Variants in OTUD4 observed in about 807,000 individuals in gnomAD.
OTUD4 encodes OTU domain-containing protein 4.
Under a neutral mutation model 130.4 loss-of-function variants are expected in OTUD4, and 24 were observed. The observed-to-expected ratio is 0.18, with a 90% CI of 0.13 to 0.26. The LOEUF is 0.26. OTUD4 is among the 10% of genes least tolerant of loss of function. OTUD4 has a pLI of 1.00. For missense variants in OTUD4, 1,031 were observed against 1,329.4 expected (o/e 0.78, Z 3.49); for synonymous variants, 420 against 472.5 (o/e 0.89, Z 1.44).
At chr4:145,165,898 A>G (rs1385403109) in intron 3 of OTUD4, among the ~76,000 whole-genome samples, 1 of 152,022 alleles carries the variant, frequency 6.6e-6, no homozygotes, top group Non-Finnish European at 1.5e-5. Flanking sequence ...GCAGTGGCTC[A>G]TGCCTGTAAT....
At chr4:145,141,745 A>T (rs1750573538) in intron 18 of OTUD4, 106 bp from the exon 19 acceptor site, 1 of 996,922 alleles carries the variant, frequency 1.0e-6, no homozygotes, top group Non-Finnish European at 1.4e-6. Context: ...AAGCCAATCT[A>T]AAGTAGTACC....
In OTUD4 at chr4:145,155,985, G is replaced by A. The variant is rs1751269351; in HGVS notation, c.641C>T (p.Ala214Val). Residue 214 changes from alanine (A) to valine (V), a missense_variant, in exon 8 of 21, where the codon GCT becomes GTT. By Grantham distance (64) the Ala-to-Val change is moderately conservative. Around this residue, in one of 3 missense-constraint regions of OTUD4, gnomAD observed 900 missense variants for 1,095.9 expected, o/e 0.82. Coordinates refer to ENST00000447906, the MANE Select transcript of OTUD4 (RefSeq NM_001366057.1). ...TCCATTCACATCAGCAGCAGCAGCA[G>A]CAGTCTTACTCCTACAAAGAAAGAT... is the stretch of plus-strand genomic sequence containing the variant. The part of the protein sequence containing the change: ...SEDDSCKSKT[A>V]AAAADVNGFK... 2.5e-6 allele frequency: 4 copies of A among 1,611,104 alleles called. No homozygotes were observed. Among genetic ancestry groups the A allele is most frequent in the African/African-American group, 1.3e-5 (1 of 74,818 alleles).
chr4:145,142,183 AC>A lies in OTUD4; in HGVS notation c.1822+12del, dbSNP rs1750596800. 6.2e-7 allele frequency: 1 copy of A among 1,605,588 alleles called. No individual in the cohort carries two copies. Among genetic ancestry groups the A allele is most frequent in the Admixed American group, 1.7e-5 (1 of 57,518 alleles). On this transcript the variant is annotated intron_variant, in intron 18 of 20. Transcript: ENST00000447906. Reference sequence around the variant, plus strand: ...TATTTTGGCTGGCTAGATTTTCTAAACCCTTCTCTAACCTGTTGGTCCAAAA... The same window carrying A: ...TATTTTGGCTGGCTAGATTTTCTAAACCTTCTCTAACCTGTTGGTCCAAAA...
Position 145,143,836 on chromosome 4 carries a change from TACACAGCTATAAAATTTC to T in OTUD4, c.1602+92_1602+109del, listed in dbSNP as rs1750696602. On this transcript the variant is annotated intron_variant, in intron 16 of 20. Transcript: ENST00000447906. ...TTTCCCTGCTTTTCTACTTTCCTAATACACAGCTATAAAATTTCGAAATTATTTTCACCTTCTTCCACT... is the reference window on the plus strand; with the variant it reads ...TTTCCCTGCTTTTCTACTTTCCTAATGAAATTATTTTCACCTTCTTCCACT... 4.0e-6 allele frequency: 3 copies of T among 759,182 alleles called. No homozygotes were observed. The Admixed American group carries it at 7.1e-5, about 18-fold the overall frequency. The allele number at this position is 759,182 out of a possible 1,614,324, so 47.0% of individuals were successfully genotyped here.
intron 1 of OTUD4, among the ~76,000 whole-genome samples, chr4:145,175,101 C>G (rs1752355436): frequency 6.6e-6 from 1 of 152,220 alleles, no homozygotes; most frequent in South Asian, 2.1e-4. Flanking sequence ...ACGCCACGCT[C>G]AACTTCATCC....
chr4:145,163,818 T>A (rs772132312), intron 5 of OTUD4, among the ~76,000 whole-genome samples: 1 of 151,388 alleles, frequency 6.6e-6, no homozygotes, highest in Non-Finnish European at 1.5e-5. Context: ...GCGATTCTCC[T>A]GCCTCAGCCT....
intron 14 of OTUD4, among the ~76,000 whole-genome samples, chr4:145,144,783 C>A (rs754781308): frequency 6.6e-6 from 1 of 152,110 alleles, no homozygotes; most frequent in African/African-American, 2.4e-5. Context: ...CCAAAAAAAT[C>A]ATTGTAGCGC....
At chr4:145,156,034 G>GT in intron 7 of OTUD4, 38 bp from the exon 8 acceptor site, 1 of 1,515,446 alleles carries the variant, frequency 6.6e-7, no homozygotes, top group Non-Finnish European at 9.1e-7. Context: ...GCAGAAAAAG[G>GT]TATTTGCACG....
intron 8 of OTUD4, 111 bp downstream of exon 8, chr4:145,155,825 T>C (rs1751256201): frequency 4.0e-6 from 4 of 998,306 alleles, no homozygotes; most frequent in Non-Finnish European, 5.9e-6. Flanking sequence ...TCTGAGTAGA[T>C]GATCCTGACT....
intron 20 of OTUD4, among the ~76,000 whole-genome samples, chr4:145,139,491 A>G (rs1043043061): frequency 5.3e-5 from 8 of 152,208 alleles, no homozygotes; most frequent in African/African-American, 1.4e-4. Context: ...ACTATCTTAC[A>G]TAGGAGGATG....
chr4:145,152,522 G>A lies in OTUD4; in HGVS notation c.968+19C>T. ...AATGGAGGAGGCAGTAAATGCCTTA[G>A]CTGAAGAGTAGTACATACTTCTTTC... is the stretch of plus-strand genomic sequence containing the variant. On this transcript the variant is annotated intron_variant, in intron 11 of 20. Coordinates refer to ENST00000447906, the MANE Select transcript of OTUD4 (RefSeq NM_001366057.1). The A allele has an allele frequency of 7.2e-7, 1 of 1,379,850 alleles. No homozygotes were observed. The highest frequency in any genetic ancestry group is 1.0e-6 in the Non-Finnish European group (1 of 976,962). The allele number at this position is 1,379,850 out of a possible 1,614,324, so 85.5% of individuals were successfully genotyped here.
Position 145,138,244 on chromosome 4 carries a change from G to A in OTUD4, c.2531C>T (p.Pro844Leu), listed in dbSNP as rs1401189064. The A allele has an allele frequency of 1.2e-6, 2 of 1,613,810 alleles. No homozygotes were observed. The highest frequency in any genetic ancestry group is 1.1e-5 in the South Asian group (1 of 91,076). ...AGGAACTGGGCCTAAGAATGGATTGGGTCCAAAAGATGGCTGGGGGAACAT... is the reference window on the plus strand; with the variant it reads ...AGGAACTGGGCCTAAGAATGGATTGAGTCCAAAAGATGGCTGGGGGAACAT... ...KNMFPQPSFG[P>L]NPFLGPVPIA... Residue 844 changes from proline to leucine, a missense_variant, in exon 21 of 21, where the codon CCC (proline) becomes CTC (leucine). By Grantham distance (98) the Pro-to-Leu change is moderately conservative. Transcript: ENST00000447906.
At position 145,159,558 on chromosome 4, in the gene OTUD4, CCAA is replaced by C; in HGVS notation, c.571_573del (p.Leu191del). On this transcript the variant is annotated inframe_deletion, in exon 7 of 21. Coordinates refer to ENST00000447906, the MANE Select transcript of OTUD4 (RefSeq NM_001366057.1). ...TCACTGTTATCTTCATCAGCTACTT[CCAA>C]CGTGTCTAGTTCCATCACAATTTTA... The C allele has an allele frequency of 6.2e-7, 1 of 1,613,396 alleles. No individual in the cohort carries two copies. Among genetic ancestry groups the C allele is most frequent in the Non-Finnish European group, 8.5e-7 (1 of 1,179,484 alleles).
At chr4:145,158,499 A>G (rs1751399668) in intron 7 of OTUD4, among the ~76,000 whole-genome samples, 3 of 151,392 alleles carry the variant, frequency 2.0e-5, no homozygotes, top group African/African-American at 7.3e-5. Context: ...AAACAAAACA[A>G]AACAAAAAAA....
chr4:145,163,626 T>C (rs1751692294), intron 5 of OTUD4, among the ~76,000 whole-genome samples: 2 of 150,184 alleles, frequency 1.3e-5, no homozygotes, highest in Non-Finnish European at 3.0e-5. Context: ...TAAAATGTTA[T>C]AAAAGGGTTA....
chr4:145,159,395 T>C lies in OTUD4; in HGVS notation c.629+108A>G, dbSNP rs185014165. 2.9e-4 allele frequency: 451 copies of C among 1,576,732 alleles called. 1 individual carries two copies. The highest frequency in any genetic ancestry group is 3.4e-6 in the Non-Finnish European group (4 of 1,167,042). ...AGACTGCTGTATTTTATGAATACCA[T>C]TAATACCTCAATATATGTTATAGAA... is the stretch of plus-strand genomic sequence containing the variant. On this transcript the variant is annotated intron_variant, in intron 7 of 20. Transcript: ENST00000447906.
chr4:145,138,080 G>T lies in OTUD4; in HGVS notation c.2695C>A (p.Leu899Met). The change falls in exon 21 of 21, where the codon CTG becomes ATG. Residue 899 changes from leucine to methionine, a missense_variant. By Grantham distance (15) the Leu-to-Met change is conservative. Transcript: ENST00000447906. ...ELDLSLENLD[L>M]SKDCGSVSTV... The stretch of plus-strand genomic sequence containing the variant: ...GAAACTGAACCACAATCTTTAGACA[G>T]ATCCAGATTTTCCAGAGACAGATCC... The T allele has an allele frequency of 1.2e-6, 2 of 1,614,126 alleles. No individual in the cohort carries two copies. The highest frequency in any genetic ancestry group is 1.7e-6 in the Non-Finnish European group (2 of 1,179,986).
At chr4:145,144,774 C>CA (rs901929014) in intron 14 of OTUD4, among the ~76,000 whole-genome samples, 7 of 151,986 alleles carry the variant, frequency 4.6e-5, no homozygotes, top group Non-Finnish European at 1.0e-4. Context: ...GCCAACCTTC[C>CA]AAAAAAATCA....
intron 1 of OTUD4, 84 bp from the exon 2 acceptor site, chr4:145,174,828 C>G (rs1489310786): frequency 1.4e-5 from 10 of 734,168 alleles, no homozygotes; most frequent in Non-Finnish European, 2.5e-5. Context: ...CCAAAATAAT[C>G]TGACAACCAA....
Sources: gnomAD v4.1 joint callset for allele counts (sites outside exome capture counted in the v4.1 genomes callset) on GRCh38, gnomAD v4.1.1 for gene constraint, gnomAD v4.1.1 regional missense constraint, MANE v1.5 for transcripts, NCBI Gene and HGNC (gene_info 2026-07-23, HGNC 2026-07-21) for gene names.